EHBP1: variants seen among roughly 807,000 people sequenced by gnomAD.
The protein encoded by EHBP1 is EH domain binding protein 1, also known as EH domain-binding protein 1.
Under a neutral mutation model 144.0 loss-of-function variants are expected in EHBP1, and 55 were observed. The observed-to-expected ratio is 0.38, with a 90% CI of 0.31 to 0.48. EHBP1 has a LOEUF of 0.48. Ranked by LOEUF, EHBP1 falls within the 20% of genes least tolerant of loss-of-function variation. The probability of loss-of-function intolerance (pLI) is 0.98; values close to 1 mark genes in which losing one functional copy is unlikely to be tolerated. For synonymous variants in EHBP1, 469 were observed against 472.7 expected (o/e 0.99, Z 0.10); for missense variants, 1,200 against 1,364.2 (o/e 0.88, Z 1.90).
intron 4 of EHBP1, among the ~76,000 whole-genome samples, chr2:62,765,791 G>A (rs2041131397): frequency 6.6e-6 from 1 of 152,092 alleles, no homozygotes; most frequent in South Asian, 2.1e-4. Context: ...TGAGAGGGGA[G>A]GGATAGGCAG....
At chr2:62,699,826 A>C (rs1254388374) in intron 1 of EHBP1, among the ~76,000 whole-genome samples, 1 of 152,228 alleles carries the variant, frequency 6.6e-6, no homozygotes, top group Non-Finnish European at 1.5e-5. Context: ...CCGAATCACC[A>C]GTGGATAGAA....
At chr2:62,741,827 C>G (rs755407292) in intron 2 of EHBP1, among the ~76,000 whole-genome samples, 3 of 151,912 alleles carry the variant, frequency 2.0e-5, no homozygotes, top group African/African-American at 4.8e-5. Flanking sequence ...ATAATATAAA[C>G]AATACAGCAT....
intron 5 of EHBP1, among the ~76,000 whole-genome samples, chr2:62,794,503 A>C (rs1220404928): frequency 6.6e-6 from 1 of 152,044 alleles, no homozygotes; most frequent in Non-Finnish European, 1.5e-5. Context: ...TACATGTGAA[A>C]AGTAAAAACA....
intron 3 of EHBP1, among the ~76,000 whole-genome samples, chr2:62,749,095 A>G (rs2039428378): frequency 1.3e-5 from 2 of 152,240 alleles, no homozygotes; most frequent in African/African-American, 2.4e-5. Context: ...TTAACTCGTC[A>G]TTTATATTAG....
At chr2:63,024,204 C>A (rs994890983) in intron 19 of EHBP1, among the ~76,000 whole-genome samples, 1 of 152,030 alleles carries the variant, frequency 6.6e-6, no homozygotes, top group Non-Finnish European at 1.5e-5. Flanking sequence ...ATTAGCCAGG[C>A]GTGGTGGCAG....
intron 7 of EHBP1, among the ~76,000 whole-genome samples, chr2:62,845,408 G>C (rs1456019750): frequency 1.3e-5 from 2 of 152,082 alleles, no homozygotes; most frequent in Admixed American, 1.3e-4. Flanking sequence ...TACCTTCAGG[G>C]AACAAAATCT....
At chr2:62,952,329 A>G (rs2153101403) in intron 13 of EHBP1, among the ~76,000 whole-genome samples, 2 of 152,328 alleles carry the variant, frequency 1.3e-5, no homozygotes, top group South Asian at 4.2e-4. Context: ...TCTCTTTTGT[A>G]CAAAGTATTT....
chr2:62,870,921 T>C (rs1196451506), intron 9 of EHBP1, among the ~76,000 whole-genome samples: 1 of 151,970 alleles, frequency 6.6e-6, no homozygotes, highest in Non-Finnish European at 1.5e-5. Context: ...AAAAAAGTTC[T>C]AATCTCCAAA....
intron 10 of EHBP1, among the ~76,000 whole-genome samples, chr2:62,929,658 C>T (rs900244309): frequency 1.3e-5 from 2 of 152,094 alleles, no homozygotes; most frequent in South Asian, 4.1e-4. Flanking sequence ...AAGAACAAGG[C>T]AAGGATGCCC....
At chr2:62,984,300 T>C (rs1333293433) in intron 15 of EHBP1, among the ~76,000 whole-genome samples, 1 of 152,216 alleles carries the variant, frequency 6.6e-6, no homozygotes, top group Non-Finnish European at 1.5e-5. Context: ...ACTGGCCTTA[T>C]TGACCACACG....
chr2:62,954,932 A>G (rs1210335255), intron 13 of EHBP1, among the ~76,000 whole-genome samples: 1 of 152,160 alleles, frequency 6.6e-6, no homozygotes, highest in Non-Finnish European at 1.5e-5. Context: ...GTAAAATTAC[A>G]GATTAATCCA....
intron 2 of EHBP1, among the ~76,000 whole-genome samples, chr2:62,726,912 G>T (rs1427323182): frequency 1.3e-5 from 2 of 151,974 alleles, no homozygotes; most frequent in African/African-American, 4.8e-5. Flanking sequence ...ATCCAGGCTG[G>T]AGTGCAGTGG....
intron 5 of EHBP1, among the ~76,000 whole-genome samples, chr2:62,796,186 T>G (rs2043523295): frequency 3.3e-5 from 5 of 152,080 alleles, no homozygotes; most frequent in Admixed American, 3.3e-4. Flanking sequence ...ATCAGTTACT[T>G]CTAGAGATTC....
intron 9 of EHBP1, among the ~76,000 whole-genome samples, chr2:62,867,384 G>A (rs368497466): frequency 1.3e-5 from 2 of 152,076 alleles, no homozygotes; most frequent in East Asian, 3.9e-4. Context: ...AATTTAGCAA[G>A]GTTACAGGCT....
At chr2:62,815,760 T>A (rs1030047866) in intron 5 of EHBP1, among the ~76,000 whole-genome samples, 2 of 152,222 alleles carry the variant, frequency 1.3e-5, no homozygotes, top group Non-Finnish European at 2.9e-5. Context: ...TTGAAATTGA[T>A]AGTTTCCCAG....
chr2:62,906,000 G>A (rs867593893), intron 10 of EHBP1, among the ~76,000 whole-genome samples: 5 of 148,628 alleles, frequency 3.4e-5, no homozygotes, highest in African/African-American at 7.3e-5. Context: ...TGCTTTTGAC[G>A]TTGTATATAA....
intron 1 of EHBP1, among the ~76,000 whole-genome samples, chr2:62,693,768 C>G (rs895279103): frequency 1.3e-5 from 2 of 152,100 alleles, no homozygotes; most frequent in African/African-American, 4.8e-5. Flanking sequence ...CTCTCTTCTC[C>G]CCTCCCGACT....
intron 5 of EHBP1, among the ~76,000 whole-genome samples, chr2:62,810,703 G>A (rs1376321478): frequency 6.6e-6 from 1 of 152,192 alleles, no homozygotes; most frequent in East Asian, 1.9e-4. Flanking sequence ...CGTGGAAGAT[G>A]TAATACTTGG....
chr2:63,024,315 G>A lies in EHBP1; in HGVS notation c.3104-13220G>A, dbSNP rs558357575. Reference sequence around the variant, plus strand: ...GCCAAGACTGCACAATTGCACTGCCGCCTGGATGACAAGAGCGAGACTCCG... The same window carrying A: ...GCCAAGACTGCACAATTGCACTGCCACCTGGATGACAAGAGCGAGACTCCG... On this transcript the variant is annotated intron_variant, in intron 19 of 22. Transcript: ENST00000431489. 1.8e-4 allele frequency among the ~76,000 whole-genome samples: 27 copies of A among 152,282 alleles called. No individual in the cohort carries two copies. In the East Asian group the frequency reaches 4.4e-3, roughly 25 times the overall value.
Sources: gnomAD v4.1 joint callset for allele counts (sites outside exome capture counted in the v4.1 genomes callset) on GRCh38, gnomAD v4.1.1 for gene constraint, MANE v1.5 for transcripts, NCBI Gene and HGNC (gene_info 2026-07-23, HGNC 2026-07-21) for gene names.